Variants in AK2 observed in about 807,000 individuals in gnomAD.
The protein encoded by AK2 is adenylate kinase 2, mitochondrial.
Under a neutral mutation model 24.6 loss-of-function variants are expected in AK2, and 15 were observed. That is an observed-to-expected ratio of 0.61 (90% CI 0.41 to 0.94). AK2 has a LOEUF of 0.94. Ranked by LOEUF, AK2 falls within the 40% of genes least tolerant of loss-of-function variation. The pLI is 0.00. For synonymous variants in AK2, 102 were observed against 114.0 expected, an observed-to-expected ratio of 0.90 and a Z score of 0.67; for missense variants, 257 against 304.1, an observed-to-expected ratio of 0.85 and a Z score of 1.15.
Position 33,010,728 on chromosome 1 carries a change from A to G in AK2, c.*2453T>C. 2 of 1,613,770 alleles carry G rather than the reference A, an allele frequency of 1.2e-6. No homozygotes were observed. The highest frequency in any genetic ancestry group is 2.2e-5 in the South Asian group (2 of 90,980). ...AGCCCCTCACCAGCCCTCCCTCACCATCCTCACCCTGACCACCCTTCCCCT... is the reference window on the plus strand; with the variant it reads ...AGCCCCTCACCAGCCCTCCCTCACCGTCCTCACCCTGACCACCCTTCCCCT... On this transcript the variant is annotated 3_prime_UTR_variant, in exon 6 of 6. Transcript: ENST00000672715.
chr1:33,012,149 T>A lies in AK2; in HGVS notation c.*1032A>T. On this transcript the variant is annotated 3_prime_UTR_variant, in exon 6 of 6. Transcript: ENST00000672715. The stretch of plus-strand genomic sequence containing the variant: ...TGGATGTTCAGAAGACAATCTGAAT[T>A]CAAAAGGACCTTTCACCTGGTTTAA... 6.5e-7 allele frequency: 1 copy of A among 1,535,472 alleles called. No homozygotes were observed.
chr1:33,018,679 G>T (rs1485947403), intron 4 of AK2, among the ~76,000 whole-genome samples: 24 of 152,188 alleles, frequency 1.6e-4, no homozygotes, highest in Admixed American at 1.6e-3. Flanking sequence ...TGGAGGGAAT[G>T]AATCTTCTCT....
chr1:33,020,844 CAAA>C (rs769914721), intron 4 of AK2, among the ~76,000 whole-genome samples: 2 of 110,414 alleles, frequency 1.8e-5, no homozygotes, highest in Admixed American at 9.4e-5. Context: ...GACTCTGTCT[CAAA>C]AAAAAAAAAG....
chr1:33,013,295 C>T lies in AK2; in HGVS notation c.606G>A (p.Arg202=), dbSNP rs1378268087. 2 of 1,614,122 alleles carry T rather than the reference C, an allele frequency of 1.2e-6. No homozygotes were observed. Among genetic ancestry groups the T allele is most frequent in the East Asian group, 2.2e-5 (1 of 44,888 alleles). ...CGATGGCGGAGTGGATCCCCCGTTT[C>T]CTGTAGTACTCTATGAGTGGGGTGG... The part of the protein sequence containing the change: ...TQTTPLIEYY[R]KRGIHSAIDA... Residue 202 remains arginine (R), a synonymous_variant, in exon 6 of 6, where the codon AGG becomes AGA. Transcript: ENST00000672715.
chr1:33,031,260 T>C (rs1437449874), intron 1 of AK2: 3 of 171,176 alleles, frequency 1.8e-5, no homozygotes, highest in Admixed American at 6.0e-5. Context: ...TTCATCTAGA[T>C]TACACAGCAA....
rs1638815002 is a variant in AK2 at position 33,011,481 on chromosome 1, G to C, written c.*1700C>G. The C allele has an allele frequency of 7.8e-7, 1 of 1,287,430 alleles. No homozygotes were observed. Among genetic ancestry groups the C allele is most frequent in the Non-Finnish European group, 1.0e-6 (1 of 988,818 alleles). 79.8% of individuals were successfully genotyped at this position (1,287,430 alleles called of 1,614,324 possible). On this transcript the variant is annotated 3_prime_UTR_variant, in exon 6 of 6. Transcript: ENST00000672715. Reference sequence around the variant, plus strand: ...GGCAAAGAGGGAAGCAAGGTGGCCAGGTACTCATGCCCAGTTGCCATGTGG... The same window carrying C: ...GGCAAAGAGGGAAGCAAGGTGGCCACGTACTCATGCCCAGTTGCCATGTGG...
In AK2 at chr1:33,009,497, T is replaced by C. The variant is rs553000113; in HGVS notation, c.*3684A>G. ...AAGCAGATATCTTTCTGTGTATATC[T>C]GGATCCAACTAACATTTATCCAATG... On this transcript the variant is annotated 3_prime_UTR_variant, in exon 6 of 6. Transcript: ENST00000672715. The C allele has an allele frequency of 2.2e-6, 1 of 454,174 alleles. No homozygotes were observed. The highest frequency in any genetic ancestry group is 6.9e-5 in the East Asian group (1 of 14,402). The allele number at this position is 454,174 out of a possible 1,614,324, so 28.1% of individuals were successfully genotyped here.
intron 1 of AK2, among the ~76,000 whole-genome samples, chr1:33,036,381 A>G (rs1640579856): frequency 6.6e-6 from 1 of 152,166 alleles, no homozygotes; most frequent in Non-Finnish European, 1.5e-5. Flanking sequence ...AACCTGGGCC[A>G]TAAAGCTAAT....
At position 33,016,156 on chromosome 1, in the gene AK2, GA is replaced by G. The variant is rs563568358; in HGVS notation, c.426-1563del. On this transcript the variant is annotated intron_variant, in intron 4 of 5. Coordinates refer to ENST00000672715, the MANE Select transcript of AK2 (RefSeq NM_001625.4). ...AAAATCCATAGATGCTCAAGTCCCTGATATAAAATGGTACAGCATTTCCATA... is the reference window on the plus strand; with the variant it reads ...AAAATCCATAGATGCTCAAGTCCCTGTATAAAATGGTACAGCATTTCCATA... 4.3e-4 allele frequency among the ~76,000 whole-genome samples: 65 copies of G among 152,198 alleles called. 1 individual carries two copies. Among genetic ancestry groups the G allele is most frequent in the Admixed American group, 3.1e-3 (47 of 15,276 alleles).
intron 2 of AK2, 105 bp downstream of exon 2, chr1:33,024,337 A>C (rs1639739687): frequency 6.7e-7 from 1 of 1,488,966 alleles, no homozygotes; most frequent in Non-Finnish European, 9.3e-7. Flanking sequence ...TTTTACATTA[A>C]TTAAATTAAT....
chr1:33,034,576 A>G (rs758004503), intron 1 of AK2, among the ~76,000 whole-genome samples: 2 of 151,974 alleles, frequency 1.3e-5, no homozygotes, highest in Non-Finnish European at 2.9e-5. Flanking sequence ...TATATCCCCA[A>G]TGTTAGGTGC....
At chr1:33,016,967 A>C (rs1415473234) in intron 4 of AK2, among the ~76,000 whole-genome samples, 2 of 151,064 alleles carry the variant, frequency 1.3e-5, no homozygotes, top group Admixed American at 6.6e-5. Flanking sequence ...GGCCTCCCAA[A>C]GTGTTAGGAT....
In AK2 at chr1:33,009,375, A is replaced by G. The variant is rs1472954810; in HGVS notation, c.*3806T>C. ...AGCAACAAAGAGTGTTAAAGAAGCA[A>G]CTGAAAAGGTAGTCAAAGATCTGGC... On this transcript the variant is annotated 3_prime_UTR_variant, in exon 6 of 6. Coordinates refer to ENST00000672715, the MANE Select transcript of AK2 (RefSeq NM_001625.4). 6.6e-6 allele frequency: 3 copies of G among 453,996 alleles called. No homozygotes were observed. The highest frequency in any genetic ancestry group is 6.0e-5 in the African/African-American group (3 of 50,000). The allele number at this position is 453,996 out of a possible 1,614,324, so 28.1% of individuals were successfully genotyped here.
chr1:33,017,909 C>T (rs1022484576), intron 4 of AK2, among the ~76,000 whole-genome samples: 1 of 152,140 alleles, frequency 6.6e-6, no homozygotes, highest in African/African-American at 2.4e-5. Flanking sequence ...CGCAGGTGCA[C>T]ACTGCCACAC....
Position 33,024,177 on chromosome 1 carries a change from A to T in AK2, c.219+265T>A, listed in dbSNP as rs1298977417. The T allele has an allele frequency of 6.7e-6, 3 of 450,840 alleles. No homozygotes were observed. The Admixed American group carries it at 1.0e-4, about 16-fold the overall frequency. 27.9% of individuals were successfully genotyped at this position (450,840 alleles called of 1,614,324 possible). A position where few individuals can be genotyped will look rare whatever the true frequency, so the allele number is the denominator to read the frequency against. ...CAGAGCGAGACTTTGTCAAAAAAAA[A>T]AGAAAAAAAATTTCCTATAATCTGC... On this transcript the variant is annotated intron_variant, in intron 2 of 5. Transcript: ENST00000672715.
chr1:33,026,679 A>G (rs1369449840), intron 1 of AK2, among the ~76,000 whole-genome samples: 1 of 151,644 alleles, frequency 6.6e-6, no homozygotes, highest in Non-Finnish European at 1.5e-5. Context: ...ATGGTGGCGC[A>G]TGCCTGTAGT....
intron 5 of AK2, among the ~76,000 whole-genome samples, chr1:33,013,682 T>C (rs558797609): frequency 3.9e-5 from 6 of 152,294 alleles, no homozygotes; most frequent in African/African-American, 1.4e-4. Context: ...CTTTCTCATC[T>C]TTGTGCTCAG....
At position 33,011,835 on chromosome 1, in the gene AK2, G is replaced by A. The variant is rs1221510876; in HGVS notation, c.*1346C>T. On this transcript the variant is annotated 3_prime_UTR_variant, in exon 6 of 6. Transcript: ENST00000672715. ...GTCACAGGTGGTCTTATTTCTGGGT[G>A]ATCTTTTCTTGGGGAAGTCCATGGC... 3 of 1,516,158 alleles carry A rather than the reference G, an allele frequency of 2.0e-6. No homozygotes were observed. The African/African-American group carries it at 4.1e-5, about 21-fold the overall frequency. The allele number at this position is 1,516,158 out of a possible 1,614,324, so 93.9% of individuals were successfully genotyped here.
intron 1 of AK2, among the ~76,000 whole-genome samples, chr1:33,034,449 T>TACACACACACACACACACACAC (rs71833811): frequency 7.0e-6 from 1 of 141,886 alleles, no homozygotes; most frequent in Non-Finnish European, 1.5e-5. Context: ...GGGTGCTTGA[T>TACACACACACACACACACACAC]ACACACACAC....
Sources: gnomAD v4.1 joint callset for allele counts (sites outside exome capture counted in the v4.1 genomes callset) on GRCh38, gnomAD v4.1.1 for gene constraint, MANE v1.5 for transcripts, NCBI Gene and HGNC (gene_info 2026-07-23, HGNC 2026-07-21) for gene names.